The following PID1 variants were observed in gnomAD, a reference collection of about 807,000 sequenced individuals.
The protein encoded by PID1 is phosphotyrosine interaction domain containing 1, also known as PTB-containing, cubilin and LRP1-interacting protein.
In PID1, 10 loss-of-function variants were observed where a neutral mutation model predicts 19.1. The ratio of observed to expected loss-of-function variants is 0.52; its 90% CI spans 0.32 to 0.89. The LOEUF is 0.89. PID1 is among the 40% of genes least tolerant of loss of function. PID1 has a pLI of 0.03. For synonymous variants in PID1, 130 were observed against 116.0 expected (o/e 1.12, Z -0.78); for missense variants, 248 against 285.3 (o/e 0.87, Z 0.94).
At chr2:229,115,727 T>C (rs890795141) in intron 2 of PID1, among the ~76,000 whole-genome samples, 7 of 152,164 alleles carry the variant, frequency 4.6e-5, no homozygotes, top group Admixed American at 6.5e-5. Context: ...GTGCCCCACA[T>C]TGTCTACTCA....
intron 2 of PID1, among the ~76,000 whole-genome samples, chr2:229,029,931 A>T (rs1464031100): frequency 6.6e-6 from 1 of 152,158 alleles, no homozygotes; most frequent in African/African-American, 2.4e-5. Context: ...AAAGATGTAT[A>T]TCAAAGAGAT....
intron 2 of PID1, among the ~76,000 whole-genome samples, chr2:229,131,393 G>C (rs779295424): frequency 6.6e-6 from 1 of 151,976 alleles, no homozygotes; most frequent in South Asian, 2.1e-4. Context: ...ACCACACCTG[G>C]CTAATTTTTG....
At chr2:229,171,664 G>A (rs533279122) in intron 1 of PID1, among the ~76,000 whole-genome samples, 2 of 152,236 alleles carry the variant, frequency 1.3e-5, no homozygotes, top group African/African-American at 2.4e-5. Flanking sequence ...CACTACCTAC[G>A]AAATGTCTGG....
At chr2:229,234,647 G>A (rs562582711) in intron 1 of PID1, among the ~76,000 whole-genome samples, 1 of 152,264 alleles carries the variant, frequency 6.6e-6, no homozygotes, top group South Asian at 2.1e-4. Context: ...GAGCAGTAAG[G>A]GAAACTAATG....
At chr2:229,204,599 G>A (rs906346006) in intron 1 of PID1, among the ~76,000 whole-genome samples, 3 of 151,998 alleles carry the variant, frequency 2.0e-5, no homozygotes, top group African/African-American at 7.3e-5. Flanking sequence ...AATCATGAGG[G>A]CAATTTAGAC....
At chr2:229,127,675 T>G (rs1260258448) in intron 2 of PID1, among the ~76,000 whole-genome samples, 3 of 152,174 alleles carry the variant, frequency 2.0e-5, no homozygotes, top group Non-Finnish European at 4.4e-5. Context: ...CTCCACCCAC[T>G]AGATGCCATT....
At chr2:229,049,927 A>T (rs1175468870) in intron 2 of PID1, among the ~76,000 whole-genome samples, 3 of 107,418 alleles carry the variant, frequency 2.8e-5, no homozygotes, top group Non-Finnish European at 5.5e-5. Context: ...ATACATATAT[A>T]CACACACATG....
intron 2 of PID1, among the ~76,000 whole-genome samples, chr2:229,103,571 ATTTTTTTTT>A (rs60510809): frequency 1.3e-5 from 1 of 76,236 alleles, no homozygotes; most frequent in African/African-American, 5.0e-5. Context: ...ATATGCTGGA[ATTTTTTTTT>A]TTTTTTTTTT....
At chr2:229,078,707 GCTTT>G (rs1349182365) in intron 2 of PID1, among the ~76,000 whole-genome samples, 12 of 152,188 alleles carry the variant, frequency 7.9e-5, no homozygotes, top group Non-Finnish European at 1.6e-4. Flanking sequence ...TTATTGATTT[GCTTT>G]CTTGTTTTTG....
chr2:229,187,828 G>A (rs1691168235), intron 1 of PID1, among the ~76,000 whole-genome samples: 1 of 152,066 alleles, frequency 6.6e-6, no homozygotes, highest in South Asian at 2.1e-4. Context: ...CCCCTCTATA[G>A]AAAACCTCAG....
intron 2 of PID1, among the ~76,000 whole-genome samples, chr2:229,062,472 T>C (rs1574596979): frequency 1.3e-5 from 2 of 152,062 alleles, no homozygotes; most frequent in East Asian, 3.9e-4. Context: ...ACAATCCTTT[T>C]AATGCACTGG....
rs199523603 is a variant in PID1 at position 229,256,802 on chromosome 2, C to T, written c.30+14212G>A. Reference sequence around the variant, plus strand: ...CAAAGATGTGCCGGATACTAAGCTACGCTCTTTGTAGTCCATATCTCAATT... The same window carrying T: ...CAAAGATGTGCCGGATACTAAGCTATGCTCTTTGTAGTCCATATCTCAATT... On this transcript the variant is annotated intron_variant, in intron 1 of 2. Coordinates refer to ENST00000392055, the MANE Select transcript of PID1 (RefSeq NM_001100818.2). Among the ~76,000 whole-genome samples, 18 of 152,298 alleles carry T rather than the reference C, an allele frequency of 1.2e-4. No individual in the cohort carries two copies. The East Asian group carries it at 1.4e-3, about 11-fold the overall frequency.
At chr2:229,226,251 T>G (rs1692075408) in intron 1 of PID1, among the ~76,000 whole-genome samples, 1 of 152,200 alleles carries the variant, frequency 6.6e-6, no homozygotes, top group Non-Finnish European at 1.5e-5. Flanking sequence ...ACAACCCACC[T>G]AGATCTGTGG....
Position 229,155,980 on chromosome 2 carries a change from A to G in PID1, c.31-16T>C. 6.2e-7 allele frequency: 1 copy of G among 1,610,856 alleles called. No homozygotes were observed. Among genetic ancestry groups the G allele is most frequent in the Non-Finnish European group, 8.5e-7 (1 of 1,178,924 alleles). On this transcript the variant is annotated splice_polypyrimidine_tract_variant and intron_variant, in intron 1 of 2. Coordinates refer to ENST00000392055, the MANE Select transcript of PID1 (RefSeq NM_001100818.2). ...TCTGAAAGTGCTGAAAAGCAGAAAAATAAGCCACATGTAGTTTAATCACTT... is the reference window on the plus strand; with the variant it reads ...TCTGAAAGTGCTGAAAAGCAGAAAAGTAAGCCACATGTAGTTTAATCACTT...
At chr2:229,145,151 A>ATG (rs1234541342) in intron 2 of PID1, among the ~76,000 whole-genome samples, 27 of 103,678 alleles carry the variant, frequency 2.6e-4, no homozygotes, top group African/African-American at 7.4e-4. Flanking sequence ...AAATATATGT[A>ATG]TGTGTATATA....
At chr2:229,091,961 T>A (rs1694885210) in intron 2 of PID1, among the ~76,000 whole-genome samples, 1 of 152,146 alleles carries the variant, frequency 6.6e-6, no homozygotes, top group Non-Finnish European at 1.5e-5. Context: ...TACAAATACT[T>A]GGGATGCATA....
chr2:229,058,834 T>C (rs1332589549), intron 2 of PID1, among the ~76,000 whole-genome samples: 1 of 151,220 alleles, frequency 6.6e-6, no homozygotes, highest in African/African-American at 2.4e-5. Flanking sequence ...CCATGAAATA[T>C]GCTTACAGAG....
intron 2 of PID1, among the ~76,000 whole-genome samples, chr2:229,104,673 A>G (rs545595693): frequency 6.6e-6 from 1 of 152,274 alleles, no homozygotes; most frequent in African/African-American, 2.4e-5. Context: ...AGTTTCTTAC[A>G]TTATCTGTAT....
chr2:229,270,613 T>A (rs556573857), intron 1 of PID1, among the ~76,000 whole-genome samples: 1 of 139,430 alleles, frequency 7.2e-6, no homozygotes, highest in East Asian at 2.2e-4. Flanking sequence ...TGCTTTCACA[T>A]ATCACTTGTT....
Sources: gnomAD v4.1 joint callset for allele counts (sites outside exome capture counted in the v4.1 genomes callset) on GRCh38, gnomAD v4.1.1 for gene constraint, MANE v1.5 for transcripts, NCBI Gene and HGNC (gene_info 2026-07-23, HGNC 2026-07-21) for gene names.